Variants in FGF14 observed in about 807,000 individuals in gnomAD.
FGF14 encodes fibroblast growth factor 14, also known as fibroblast growth factor homologous factor 4.
In FGF14, 5 loss-of-function variants were observed where a neutral mutation model predicts 25.5. The observed-to-expected ratio is 0.20, with a 90% CI of 0.10 to 0.41. The LOEUF is 0.41. FGF14 is among the 10% of genes least tolerant of loss of function. The probability of loss-of-function intolerance (pLI) is 1.00; values close to 1 mark genes in which losing one functional copy is unlikely to be tolerated. For synonymous variants in FGF14, 138 were observed against 118.3 expected (o/e 1.17, Z -1.08); for missense variants, 222 against 320.1 (o/e 0.69, Z 2.34).
intron 1 of FGF14, among the ~76,000 whole-genome samples, chr13:102,119,118 G>T (rs1346335306): frequency 2.0e-5 from 3 of 152,186 alleles, no homozygotes; most frequent in Non-Finnish European, 4.4e-5. Flanking sequence ...TGGGCCTCTA[G>T]TGTGTTGCAA....
chr13:102,282,837 C>G (rs1416739020), intron 1 of FGF14, among the ~76,000 whole-genome samples: 1 of 150,098 alleles, frequency 6.7e-6, no homozygotes, highest in Non-Finnish European at 1.5e-5. Flanking sequence ...AATAAAAGTT[C>G]TGAGAAGTCA....
chr13:101,759,772 A>G (rs1034203593), intron 3 of FGF14, among the ~76,000 whole-genome samples: 2 of 152,136 alleles, frequency 1.3e-5, no homozygotes, highest in Admixed American at 1.3e-4. Flanking sequence ...ATTTAGCCTT[A>G]TAATAGTCTT....
chr13:101,996,044 G>A (rs1490227683), intron 1 of FGF14, among the ~76,000 whole-genome samples: 1 of 151,998 alleles, frequency 6.6e-6, no homozygotes, highest in Non-Finnish European at 1.5e-5. Flanking sequence ...ATGCTTGAGG[G>A]GATGGACACC....
chr13:101,932,533 CAAAA>C (rs60522790), intron 1 of FGF14, among the ~76,000 whole-genome samples: 2 of 79,064 alleles, frequency 2.5e-5, no homozygotes, highest in Non-Finnish European at 4.9e-5. Context: ...GACTCCATGT[CAAAA>C]AAAAAAAAAA....
intron 3 of FGF14, among the ~76,000 whole-genome samples, chr13:101,775,363 A>G (rs1402743693): frequency 6.6e-6 from 1 of 152,204 alleles, no homozygotes; most frequent in East Asian, 1.9e-4. Context: ...TCTCTGCTAG[A>G]AAAAGAGAAT....
intron 1 of FGF14, among the ~76,000 whole-genome samples, chr13:101,941,085 T>G (rs570455931): frequency 6.6e-6 from 1 of 152,182 alleles, no homozygotes; most frequent in Non-Finnish European, 1.5e-5. Flanking sequence ...AAGAGCAACA[T>G]TGCGGAGCGA....
At chr13:101,964,241 T>C (rs918374241) in intron 1 of FGF14, among the ~76,000 whole-genome samples, 1 of 150,228 alleles carries the variant, frequency 6.7e-6, no homozygotes, top group Non-Finnish European at 1.5e-5. Flanking sequence ...CCAATGACTT[T>C]TTAGTTGTAA....
intron 1 of FGF14, among the ~76,000 whole-genome samples, chr13:102,152,104 C>A (rs903578775): frequency 6.6e-6 from 1 of 152,124 alleles, no homozygotes; most frequent in Non-Finnish European, 1.5e-5. Flanking sequence ...CATCACACCC[C>A]ACACTCAGGA....
At chr13:102,377,727 G>C (rs1454520184) in intron 1 of FGF14, among the ~76,000 whole-genome samples, 1 of 152,186 alleles carries the variant, frequency 6.6e-6, no homozygotes. Flanking sequence ...AGAATCACTT[G>C]AACCCAGGAG....
At position 101,972,625 on chromosome 13, in the gene FGF14, T is replaced by C. The variant is rs77168885; in HGVS notation, c.209-97329A>G. Among the ~76,000 whole-genome samples, 795 of 152,260 alleles carry C rather than the reference T, an allele frequency of 5.2e-3. 11 individuals are homozygous for C. Among genetic ancestry groups the C allele is most frequent in the African/African-American group, 0.018 (759 of 41,582 alleles). The stretch of plus-strand genomic sequence containing the variant: ...CTCTCCTTTCACCCTCATGACTCAT[T>C]TCAATCTTATTGATAAATTCTTTCT... On this transcript the variant is annotated intron_variant, in intron 1 of 4. Coordinates refer to the FGF14 transcript ENST00000376131.
chr13:101,821,615 A>G, intron 3 of FGF14, among the ~76,000 whole-genome samples: 1 of 152,198 alleles, frequency 6.6e-6, no homozygotes, highest in African/African-American at 2.4e-5. Context: ...AGATTTTGCC[A>G]AAATGTTTTC....
At chr13:102,034,569 G>A (rs1255896774) in intron 1 of FGF14, among the ~76,000 whole-genome samples, 4 of 152,050 alleles carry the variant, frequency 2.6e-5, no homozygotes, top group African/African-American at 9.7e-5. Flanking sequence ...AATGTAATGA[G>A]GTGCCAAAAC....
intron 3 of FGF14, among the ~76,000 whole-genome samples, chr13:101,740,567 G>T (rs1265666832): frequency 6.6e-6 from 1 of 152,104 alleles, no homozygotes; most frequent in African/African-American, 2.4e-5. Context: ...AGAGTGTCAA[G>T]CAGTGTGCAG....
chr13:101,983,464 C>A (rs964744062), intron 1 of FGF14, among the ~76,000 whole-genome samples: 1 of 152,038 alleles, frequency 6.6e-6, no homozygotes, highest in Non-Finnish European at 1.5e-5. Flanking sequence ...TAAATAAGAT[C>A]CTTGTTATGA....
intron 1 of FGF14, among the ~76,000 whole-genome samples, chr13:102,180,128 A>G (rs16959897): frequency 0.057 from 8,680 of 152,206 alleles, 255 homozygotes; most frequent in Middle Eastern, 0.068. Context: ...AAGACTATAT[A>G]GACTGGCCAG....
At chr13:101,981,814 C>T (rs557603466) in intron 1 of FGF14, among the ~76,000 whole-genome samples, 2 of 152,178 alleles carry the variant, frequency 1.3e-5, no homozygotes, top group Non-Finnish European at 2.9e-5. Flanking sequence ...CCTGGTGAAA[C>T]AGAAGCTGAG....
At chr13:102,055,981 T>G (rs970573318) in intron 1 of FGF14, among the ~76,000 whole-genome samples, 18 of 152,290 alleles carry the variant, frequency 1.2e-4, no homozygotes, top group Non-Finnish European at 2.1e-4. Context: ...CTTATGAGAC[T>G]TATTCACTAC....
intron 1 of FGF14, among the ~76,000 whole-genome samples, chr13:102,370,415 T>C (rs2057843879): frequency 1.3e-5 from 2 of 152,178 alleles, no homozygotes; most frequent in South Asian, 4.1e-4. Context: ...ATGGGGTACA[T>C]GTGATGTTTT....
chr13:102,249,955 G>T (rs781130610), intron 1 of FGF14, among the ~76,000 whole-genome samples: 1 of 152,096 alleles, frequency 6.6e-6, no homozygotes. Context: ...GTGGACTAAG[G>T]GGGAGGCATG....
Sources: allele counts gnomAD v4.1 joint callset (sites outside exome capture counted in the v4.1 genomes callset), GRCh38; gene constraint gnomAD v4.1.1; transcripts MANE v1.5; gene names NCBI Gene and HGNC (gene_info 2026-07-23, HGNC 2026-07-21).